CACNA2D1: variants seen among roughly 807,000 people sequenced by gnomAD.
CACNA2D1 encodes voltage-dependent calcium channel subunit alpha-2/delta-1.
Under a neutral mutation model 171.5 loss-of-function variants are expected in CACNA2D1, and 53 were observed. That is an observed-to-expected ratio of 0.31 (90% CI 0.25 to 0.39). The LOEUF (loss-of-function observed/expected upper bound fraction) is 0.39, where lower values mean the gene tolerates loss of function less well. Among genes scored for constraint, CACNA2D1 ranks in the 10% least tolerant of loss-of-function variants. The pLI, the probability that CACNA2D1 is intolerant of heterozygous loss-of-function variation, is 1.00. For missense variants in CACNA2D1, 903 were observed against 1,299.8 expected (o/e 0.69, Z 4.69); for synonymous variants, 442 against 443.1 (o/e 1.00, Z 0.03).
intron 3 of CACNA2D1, among the ~76,000 whole-genome samples, chr7:82,198,072 G>T (rs886857994): frequency 2.0e-5 from 3 of 151,974 alleles, no homozygotes; most frequent in Non-Finnish European, 4.4e-5. Context: ...CCAGGAGAAT[G>T]CCATTCATTT....
Position 82,278,776 on chromosome 7 carries a change from T to G in CACNA2D1, c.294+56359A>C, listed in dbSNP as rs575780057. 2.5e-4 allele frequency among the ~76,000 whole-genome samples: 38 copies of G among 152,158 alleles called. No homozygotes were observed. The Middle Eastern group carries it at 0.01, about 41-fold the overall frequency. On this transcript the variant is annotated intron_variant, in intron 3 of 38. Transcript: ENST00000356860. ...TCCCCACATTTTTAGTTCTATTAGT[T>G]TTATTCGAATAGAGGATCCAAAATT...
chr7:82,369,248 C>T (rs1822087293), intron 1 of CACNA2D1, among the ~76,000 whole-genome samples: 1 of 151,968 alleles, frequency 6.6e-6, no homozygotes. Context: ...ATGCTTAATA[C>T]ATAGTAGGAA....
intron 3 of CACNA2D1, among the ~76,000 whole-genome samples, chr7:82,294,184 T>C (rs1338217740): frequency 3.9e-5 from 6 of 152,178 alleles, no homozygotes; most frequent in African/African-American, 1.4e-4. Flanking sequence ...TGTTCGGCTA[T>C]ATTTTAATAT....
At chr7:81,988,238 CCT>C (rs1463614723) in intron 21 of CACNA2D1, among the ~76,000 whole-genome samples, 2 of 152,100 alleles carry the variant, frequency 1.3e-5, no homozygotes, top group East Asian at 3.9e-4. Flanking sequence ...TTCAAGATTT[CCT>C]CTCTTTTTGC....
intron 3 of CACNA2D1, among the ~76,000 whole-genome samples, chr7:82,267,389 A>G (rs972083786): frequency 2.6e-5 from 4 of 152,204 alleles, no homozygotes; most frequent in East Asian, 3.9e-4. Context: ...CTTACAGTTC[A>G]TAAGTGTCAC....
intron 3 of CACNA2D1, among the ~76,000 whole-genome samples, chr7:82,240,922 G>A (rs537141178): frequency 1.4e-3 from 205 of 151,820 alleles, no homozygotes; most frequent in Non-Finnish European, 2.5e-3. Flanking sequence ...AGCCGAGATC[G>A]TGCCACTGCA....
chr7:82,371,389 C>T (rs10224208), intron 1 of CACNA2D1, among the ~76,000 whole-genome samples: 8 of 151,542 alleles, frequency 5.3e-5, no homozygotes, highest in African/African-American at 1.9e-4. Context: ...AGTAATGGCA[C>T]GTAATTCACA....
chr7:82,142,905 T>C (rs778316677), intron 4 of CACNA2D1, among the ~76,000 whole-genome samples: 10 of 152,170 alleles, frequency 6.6e-5, no homozygotes, highest in Non-Finnish European at 1.0e-4. Flanking sequence ...GGAAATACAT[T>C]TGTAGCAATT....
intron 34 of CACNA2D1, 85 bp downstream of exon 34, chr7:81,963,971 C>A (rs1794437175): frequency 9.5e-7 from 1 of 1,054,956 alleles, no homozygotes. Context: ...ATTTGAATAT[C>A]CCCTAAATCC....
At chr7:82,410,544 G>C (rs1827531409) in intron 1 of CACNA2D1, 1 of 984,778 alleles carries the variant, frequency 1.0e-6, no homozygotes, top group Non-Finnish European at 1.2e-6. Flanking sequence ...CTACATCAGG[G>C]GTGGCTGATG....
At chr7:82,416,617 A>C (rs758636711) in intron 1 of CACNA2D1, among the ~76,000 whole-genome samples, 5 of 152,192 alleles carry the variant, frequency 3.3e-5, no homozygotes, top group Non-Finnish European at 5.9e-5. Context: ...CTCTATTTAT[A>C]GCAATGATCC....
intron 3 of CACNA2D1, among the ~76,000 whole-genome samples, chr7:82,204,379 AAG>A (rs1294429818): frequency 6.6e-6 from 1 of 152,204 alleles, no homozygotes; most frequent in Non-Finnish European, 1.5e-5. Flanking sequence ...GCCATGTGGC[AAG>A]ACCTAGGGGA....
intron 3 of CACNA2D1, among the ~76,000 whole-genome samples, chr7:82,297,711 T>C (rs568471649): frequency 3.3e-4 from 50 of 152,182 alleles, no homozygotes; most frequent in Admixed American, 2.2e-3. Context: ...CTTATAACAT[T>C]GGCCAGCTTA....
chr7:82,180,501 A>G lies in CACNA2D1; in HGVS notation c.295-9892T>C, dbSNP rs183104050. 1.6e-3 allele frequency among the ~76,000 whole-genome samples: 249 copies of G among 152,250 alleles called. 1 individual carries two copies. Among genetic ancestry groups the G allele is most frequent in the Non-Finnish European group, 1.9e-3 (132 of 68,012 alleles). ...TGGTCGGCTAGCTTATTAGGTTGCA[A>G]TTAGGGCAAAATCTCAGACCCTTTA... is the stretch of plus-strand genomic sequence containing the variant. On this transcript the variant is annotated intron_variant, in intron 3 of 38. Transcript: ENST00000356860.
intron 12 of CACNA2D1, among the ~76,000 whole-genome samples, chr7:82,024,358 T>C (rs1249691610): frequency 6.6e-6 from 1 of 151,732 alleles, no homozygotes; most frequent in East Asian, 1.9e-4. Context: ...AGGTAAGAGA[T>C]GATATCTCAT....
intron 3 of CACNA2D1, among the ~76,000 whole-genome samples, chr7:82,263,102 C>CTTTTT (rs759968270): frequency 0.014 from 1,520 of 107,920 alleles, 83 homozygotes; most frequent in Non-Finnish European, 0.02. Flanking sequence ...CATAACACCA[C>CTTTTT]TTTTTTTTTT....
chr7:82,390,825 G>GA (rs1227296527), intron 1 of CACNA2D1, among the ~76,000 whole-genome samples: 1 of 151,920 alleles, frequency 6.6e-6, no homozygotes, highest in Non-Finnish European at 1.5e-5. Flanking sequence ...TTATAAAAAT[G>GA]AAAAAAATTT....
chr7:82,319,348 C>A (rs1815525035), intron 3 of CACNA2D1, among the ~76,000 whole-genome samples: 1 of 151,978 alleles, frequency 6.6e-6, no homozygotes, highest in East Asian at 1.9e-4. Context: ...ACAAAGACAT[C>A]AAAAATTATA....
intron 1 of CACNA2D1, among the ~76,000 whole-genome samples, chr7:82,395,605 T>C (rs1825678441): frequency 6.6e-6 from 1 of 152,290 alleles, no homozygotes; most frequent in Non-Finnish European, 1.5e-5. Flanking sequence ...AGGAACTGAA[T>C]TGAATATTAT....
Sources: allele counts gnomAD v4.1 joint callset (sites outside exome capture counted in the v4.1 genomes callset), GRCh38; gene constraint gnomAD v4.1.1; transcripts MANE v1.5; gene names NCBI Gene and HGNC (gene_info 2026-07-23, HGNC 2026-07-21).